Variants in SWT1 observed in about 807,000 individuals in gnomAD.
SWT1 encodes SWT1 RNA endoribonuclease homolog.
A neutral mutation model predicts 107.3 loss-of-function variants in SWT1; 33 were observed. The observed-to-expected ratio is 0.31, with a 90% CI of 0.23 to 0.41. SWT1 has a LOEUF of 0.41. Ranked by LOEUF, SWT1 falls within the 10% of genes least tolerant of loss-of-function variation. SWT1 has a pLI of 1.00. For missense variants in SWT1, 898 were observed against 1,028.9 expected (o/e 0.87, Z 1.74); for synonymous variants, 345 against 348.3 (o/e 0.99, Z 0.11).
intron 5 of SWT1, among the ~76,000 whole-genome samples, chr1:185,175,783 T>G (rs1044135805): frequency 6.6e-6 from 1 of 152,220 alleles, no homozygotes; most frequent in Non-Finnish European, 1.5e-5. Flanking sequence ...CTTTAAACAG[T>G]TTATTTTTTT....
rs1244546763 is a variant in SWT1 at position 185,226,903 on chromosome 1, A to G, written c.2310-4674A>G. On this transcript the variant is annotated intron_variant, in intron 15 of 18. Transcript: ENST00000367500. Reference sequence around the variant, plus strand: ...GCAATGGACATTTTGGGACAGTTCCACCTCTTCTTTTTAACTTCTTTCTGC... The same window carrying G: ...GCAATGGACATTTTGGGACAGTTCCGCCTCTTCTTTTTAACTTCTTTCTGC... The G allele has an allele frequency of 3.0e-6, 4 of 1,314,708 alleles. No individual in the cohort carries two copies. The East Asian group carries it at 9.2e-5, about 30-fold the overall frequency. 81.4% of individuals were successfully genotyped at this position (1,314,708 alleles called of 1,614,324 possible). A position where few individuals can be genotyped will look rare whatever the true frequency, so the allele number is the denominator to read the frequency against.
At chr1:185,169,906 C>A (rs1171434752) in intron 4 of SWT1, among the ~76,000 whole-genome samples, 1 of 151,980 alleles carries the variant, frequency 6.6e-6, no homozygotes, top group African/African-American at 2.4e-5. Context: ...TGGTAAGGGA[C>A]ATTGCCAAAG....
chr1:185,216,186 A>G (rs1571528071), intron 14 of SWT1, among the ~76,000 whole-genome samples: 1 of 152,206 alleles, frequency 6.6e-6, no homozygotes, highest in East Asian at 1.9e-4. Context: ...TCTTGAGGAA[A>G]GAATTTATTT....
chr1:185,207,334 C>A (rs1658415070), intron 13 of SWT1, among the ~76,000 whole-genome samples: 1 of 152,162 alleles, frequency 6.6e-6, no homozygotes, highest in Admixed American at 6.5e-5. Flanking sequence ...TCTTGAAGTG[C>A]CTCTGCTGCC....
In SWT1 at chr1:185,168,411, T is replaced by A; in HGVS notation, c.224+13T>A. 7.3e-7 allele frequency: 1 copy of A among 1,368,100 alleles called. No individual in the cohort carries two copies. The highest frequency in any genetic ancestry group is 9.8e-7 in the Non-Finnish European group (1 of 1,020,848). The allele number at this position is 1,368,100 out of a possible 1,614,324, so 84.7% of individuals were successfully genotyped here. ...AAGGACTGAAAAGGTAAATTTCTCC[T>A]TTTTCTTTTTACTGTTTTGGTTTAG... is the stretch of plus-strand genomic sequence containing the variant. On this transcript the variant is annotated intron_variant, in intron 4 of 18. Transcript: ENST00000367500.
intron 16 of SWT1, among the ~76,000 whole-genome samples, chr1:185,233,368 C>T (rs1660628357): frequency 6.6e-6 from 1 of 152,094 alleles, no homozygotes; most frequent in African/African-American, 2.4e-5. Context: ...GCTCTTGCTT[C>T]TCTACTTCTT....
chr1:185,170,402 A>G (rs573583457), intron 4 of SWT1, among the ~76,000 whole-genome samples: 29 of 152,292 alleles, frequency 1.9e-4, no homozygotes, highest in African/African-American at 6.5e-4. Flanking sequence ...TGTTTGTACA[A>G]TGACTTCTGA....
At chr1:185,166,498 T>C (rs563572136) in intron 2 of SWT1, 74 bp from the exon 3 acceptor site, 1 of 901,196 alleles carries the variant, frequency 1.1e-6, no homozygotes, top group South Asian at 1.8e-5. Flanking sequence ...GTAATACTAG[T>C]GATGAAATAG....
rs554256308 is a variant in SWT1 at position 185,247,360 on chromosome 1, G to A, written c.2441+15652G>A. ...AAAGAAAGGGGAAGATACAATGTTA[G>A]GAAAGTGGAGTCAGCAGTTGGAAAT... On this transcript the variant is annotated intron_variant, in intron 16 of 18. Transcript: ENST00000367500. 7.2e-5 allele frequency among the ~76,000 whole-genome samples: 11 copies of A among 152,288 alleles called. 1 individual carries two copies. The South Asian group carries it at 1.9e-3, about 26-fold the overall frequency.
chr1:185,271,794 A>G (rs1308571937), intron 17 of SWT1, among the ~76,000 whole-genome samples: 2 of 152,176 alleles, frequency 1.3e-5, no homozygotes, highest in East Asian at 3.8e-4. Context: ...CATCCTATGT[A>G]TCTGCAGCTT....
intron 14 of SWT1, among the ~76,000 whole-genome samples, chr1:185,216,951 CAAAAAAAAAA>C (rs1292913416): frequency 1.6e-3 from 152 of 96,758 alleles, no homozygotes; most frequent in African/African-American, 5.4e-3. Context: ...GACTCCATTT[CAAAAAAAAAA>C]AAAAGAAAAG....
intron 16 of SWT1, among the ~76,000 whole-genome samples, chr1:185,266,891 C>G (rs896941186): frequency 6.6e-6 from 1 of 152,018 alleles, no homozygotes; most frequent in Non-Finnish European, 1.5e-5. Flanking sequence ...AGTGTTTGAA[C>G]GTACATGAAA....
chr1:185,172,455 A>G (rs561178312), intron 4 of SWT1, among the ~76,000 whole-genome samples: 8 of 152,320 alleles, frequency 5.3e-5, no homozygotes, highest in African/African-American at 1.7e-4. Context: ...TTTTAAAGTC[A>G]TTTCCAAAAT....
At chr1:185,207,709 CTGGGCAACA>C (rs995364808) in intron 13 of SWT1, among the ~76,000 whole-genome samples, 13 of 152,188 alleles carry the variant, frequency 8.5e-5, no homozygotes, top group African/African-American at 3.1e-4. Context: ...CAAGGCCAGC[CTGGGCAACA>C]TGGTAAAACT....
In SWT1 at chr1:185,226,681, AAAAC is replaced by A. The variant is rs767112587; in HGVS notation, c.2309+4657_2309+4660del. ...CTACTGATTCAAATTAAAACAAACAAAAACAAACAAACAAAAGCTTCCCTGCTAT... is the reference window on the plus strand; with the variant it reads ...CTACTGATTCAAATTAAAACAAACAAAAACAAACAAAAGCTTCCCTGCTAT... On this transcript the variant is annotated intron_variant, in intron 15 of 18. Transcript: ENST00000367500. 1.3e-4 allele frequency: 56 copies of A among 436,898 alleles called. No individual in the cohort carries two copies. In the South Asian group the frequency reaches 2.3e-3, roughly 18 times the overall value. The allele number at this position is 436,898 out of a possible 1,614,324, so 27.1% of individuals were successfully genotyped here.
At chr1:185,210,780 C>T (rs866263695) in intron 13 of SWT1, among the ~76,000 whole-genome samples, 3 of 151,940 alleles carry the variant, frequency 2.0e-5, no homozygotes, top group Admixed American at 1.3e-4. Context: ...ATGACGTGAT[C>T]GATATTTGGA....
At chr1:185,203,390 G>A (rs934459589) in intron 11 of SWT1, among the ~76,000 whole-genome samples, 5 of 152,098 alleles carry the variant, frequency 3.3e-5, no homozygotes, top group East Asian at 1.9e-4. Flanking sequence ...TTGGGAGGCC[G>A]AGGCGGGTGG....
At chr1:185,269,441 T>C (rs556982189) in intron 16 of SWT1, among the ~76,000 whole-genome samples, 1 of 151,822 alleles carries the variant, frequency 6.6e-6, no homozygotes, top group South Asian at 2.1e-4. Context: ...AATAGTATTC[T>C]TATGGAGGTT....
Position 185,233,556 on chromosome 1 carries a change from A to G in SWT1, c.2441+1848A>G, listed in dbSNP as rs548653729. Reference sequence around the variant, plus strand: ...TCTTTATTTCTGCCTTCATTTCATTATGTACCCAGTAGTCATTCAGGAGCA... The same window carrying G: ...TCTTTATTTCTGCCTTCATTTCATTGTGTACCCAGTAGTCATTCAGGAGCA... On this transcript the variant is annotated intron_variant, in intron 16 of 18. Coordinates refer to ENST00000367500, the MANE Select transcript of SWT1 (RefSeq NM_017673.7). Among the ~76,000 whole-genome samples the G allele has an allele frequency of 3.3e-5, 5 of 152,208 alleles. No individual in the cohort carries two copies. The South Asian group carries it at 1.0e-3, about 32-fold the overall frequency.
Sources: gnomAD v4.1 joint callset for allele counts (sites outside exome capture counted in the v4.1 genomes callset) on GRCh38, gnomAD v4.1.1 for gene constraint, MANE v1.5 for transcripts, NCBI Gene and HGNC (gene_info 2026-07-23, HGNC 2026-07-21) for gene names.